Variants in CDKAL1 observed in about 807,000 individuals in gnomAD.
CDKAL1 encodes the protein CDKAL1 threonylcarbamoyladenosine tRNA methylthiotransferase, also known as threonylcarbamoyladenosine tRNA methylthiotransferase.
A neutral mutation model predicts 68.2 loss-of-function variants in CDKAL1; 32 were observed. The observed-to-expected ratio is 0.47, with a 90% CI of 0.35 to 0.63. The LOEUF (loss-of-function observed/expected upper bound fraction) is 0.63, where lower values mean the gene tolerates loss of function less well. Ranked by LOEUF, CDKAL1 falls within the 30% of genes least tolerant of loss-of-function variation. The pLI is 0.00. For missense variants in CDKAL1, 606 were observed against 696.7 expected (o/e 0.87, Z 1.47); for synonymous variants, 234 against 244.3 (o/e 0.96, Z 0.39).
At chr6:21,151,057 A>C (rs1211501204) in intron 13 of CDKAL1, among the ~76,000 whole-genome samples, 6 of 152,212 alleles carry the variant, frequency 3.9e-5, no homozygotes, top group Admixed American at 6.5e-5. Context: ...ACATTTCTAG[A>C]AAAGGAGAGA....
intron 10 of CDKAL1, among the ~76,000 whole-genome samples, chr6:20,966,853 T>C (rs927906578): frequency 2.0e-5 from 3 of 152,224 alleles, no homozygotes. Flanking sequence ...AAGTGGCTCC[T>C]ACATTTTCAG....
rs1554149924 is a variant in CDKAL1, at chr6:20,557,050, A to AATAAAT, written c.286+8346_286+8347insTAAATA. Among the ~76,000 whole-genome samples the AATAAAT allele has an allele frequency of 7.8e-3, 695 of 88,936 alleles. 7 individuals carry two copies. Among genetic ancestry groups the AATAAAT allele is most frequent in the Middle Eastern group, 0.039 (7 of 178 alleles). 58.3% of individuals were successfully genotyped at this position (88,936 alleles called of 152,430 possible). On this transcript the variant is annotated intron_variant, in intron 4 of 15. Coordinates refer to ENST00000274695, the MANE Select transcript of CDKAL1 (RefSeq NM_017774.3). ...GAACGAGTCTCCATCTCAAAAAAAA[A>AATAAAT]AAATAAATAAATAAATAAATAAATA...
intron 9 of CDKAL1, among the ~76,000 whole-genome samples, chr6:20,894,715 A>G (rs1473333535): frequency 1.3e-5 from 2 of 152,148 alleles, no homozygotes; most frequent in Non-Finnish European, 2.9e-5. Context: ...TACAAAAATA[A>G]CACATAAAAT....
intron 5 of CDKAL1, among the ~76,000 whole-genome samples, chr6:20,737,869 C>T (rs1773266755): frequency 6.6e-6 from 1 of 152,120 alleles, no homozygotes. Flanking sequence ...GTATTTTGTA[C>T]TCTGTCTATT....
At chr6:20,978,046 T>G (rs1765926826) in intron 10 of CDKAL1, among the ~76,000 whole-genome samples, 1 of 152,212 alleles carries the variant, frequency 6.6e-6, no homozygotes, top group African/African-American at 2.4e-5. Flanking sequence ...ACTACTCAAA[T>G]TTTGATATAG....
intron 5 of CDKAL1, among the ~76,000 whole-genome samples, chr6:20,732,916 G>A (rs1345626418): frequency 4.6e-5 from 7 of 152,020 alleles, no homozygotes; most frequent in Non-Finnish European, 1.0e-4. Flanking sequence ...GTCTGTATAC[G>A]TATCCTCATT....
chr6:20,795,143 G>C (rs9295483), intron 8 of CDKAL1, among the ~76,000 whole-genome samples: 1 of 152,072 alleles, frequency 6.6e-6, no homozygotes, highest in Non-Finnish European at 1.5e-5. Flanking sequence ...TTCTGGTTCT[G>C]CCATTTACCT....
chr6:21,151,877 T>G (rs1419836202), intron 13 of CDKAL1, among the ~76,000 whole-genome samples: 1 of 152,158 alleles, frequency 6.6e-6, no homozygotes, highest in Non-Finnish European at 1.5e-5. Flanking sequence ...GTTTTTTTTT[T>G]AACTTTCTAG....
intron 5 of CDKAL1, among the ~76,000 whole-genome samples, chr6:20,726,054 A>G (rs566116956): frequency 8.4e-4 from 128 of 152,222 alleles, no homozygotes; most frequent in African/African-American, 2.9e-3. Flanking sequence ...TGGCCCTGCA[A>G]AGCCATCTTT....
At chr6:21,038,653 CT>C (rs1769729757) in intron 11 of CDKAL1, among the ~76,000 whole-genome samples, 1 of 152,146 alleles carries the variant, frequency 6.6e-6, no homozygotes, top group Non-Finnish European at 1.5e-5. Flanking sequence ...AATTTGTAAA[CT>C]TTCTTAAAAT....
chr6:20,644,972 A>G lies in CDKAL1; in HGVS notation c.287-4321A>G, dbSNP rs541608601. ...TGACATATCTAGGCCATTATATGGT[A>G]TAGCCTATTGCTCCCAGGCTACACA... On this transcript the variant is annotated intron_variant, in intron 4 of 15. Coordinates refer to ENST00000274695, the MANE Select transcript of CDKAL1 (RefSeq NM_017774.3). Among the ~76,000 whole-genome samples, 7 of 152,334 alleles carry G rather than the reference A, an allele frequency of 4.6e-5. No homozygotes were observed. The East Asian group carries it at 1.4e-3, about 29-fold the overall frequency.
chr6:20,916,620 G>C (rs1399049269), intron 9 of CDKAL1, among the ~76,000 whole-genome samples: 1 of 152,194 alleles, frequency 6.6e-6, no homozygotes, highest in Non-Finnish European at 1.5e-5. Context: ...TCAGTTGCTT[G>C]CTCAAGGCAT....
chr6:20,988,077 A>C (rs963837054), intron 10 of CDKAL1, among the ~76,000 whole-genome samples: 2 of 151,706 alleles, frequency 1.3e-5, no homozygotes, highest in Non-Finnish European at 2.9e-5. Context: ...GAGTCACTGC[A>C]TCCAGCCAGA....
At chr6:20,853,391 CAAAAAAAAAACAAAA>C (rs1374924427) in intron 9 of CDKAL1, among the ~76,000 whole-genome samples, 2 of 55,460 alleles carry the variant, frequency 3.6e-5, no homozygotes, top group Non-Finnish European at 8.4e-5. Flanking sequence ...AAAAACAAAA[CAAAAAAAAAACAAAA>C]AAAAAAACCC....
At chr6:21,187,079 C>T (rs992248621) in intron 13 of CDKAL1, among the ~76,000 whole-genome samples, 2 of 152,006 alleles carry the variant, frequency 1.3e-5, no homozygotes, top group African/African-American at 2.4e-5. Flanking sequence ...TTTTGAAATC[C>T]GGTGTGTACT....
At chr6:21,079,968 C>CT (rs1222546109) in intron 12 of CDKAL1, among the ~76,000 whole-genome samples, 1 of 33,612 alleles carries the variant, frequency 3.0e-5, no homozygotes, top group Non-Finnish European at 7.2e-5. Flanking sequence ...AGCTTATCAA[C>CT]TTTGTCTCTG....
At chr6:20,587,628 G>T (rs1283369966) in intron 4 of CDKAL1, among the ~76,000 whole-genome samples, 1 of 152,074 alleles carries the variant, frequency 6.6e-6, no homozygotes, top group Non-Finnish European at 1.5e-5. Flanking sequence ...AGCTACTCTG[G>T]AGGCTGAGAT....
intron 10 of CDKAL1, among the ~76,000 whole-genome samples, chr6:20,959,744 A>T (rs1764962222): frequency 6.6e-6 from 1 of 152,016 alleles, no homozygotes; most frequent in Admixed American, 6.6e-5. Context: ...TTTCCTGTTG[A>T]TATTGCTAAT....
rs369830419 is a variant in CDKAL1, at chr6:20,979,789, T to G, written c.910-20438T>G. ...CATAGTATCTTTTTTTTTTTTTTTTTGGGACAGCATCTCACTTTGTCACCC... is the reference window on the plus strand; with the variant it reads ...CATAGTATCTTTTTTTTTTTTTTTTGGGGACAGCATCTCACTTTGTCACCC... On this transcript the variant is annotated intron_variant, in intron 10 of 15. Coordinates refer to ENST00000274695, the MANE Select transcript of CDKAL1 (RefSeq NM_017774.3). Among the ~76,000 whole-genome samples the G allele has an allele frequency of 1.4e-3, 153 of 109,480 alleles. 1 individual carries two copies. The highest frequency in any genetic ancestry group is 2.8e-3 in the South Asian group (10 of 3,604). 71.8% of individuals were successfully genotyped at this position (109,480 alleles called of 152,430 possible). A position where few individuals can be genotyped will look rare whatever the true frequency, so the allele number is the denominator to read the frequency against.
Sources: gnomAD v4.1 joint callset for allele counts (sites outside exome capture counted in the v4.1 genomes callset) on GRCh38, gnomAD v4.1.1 for gene constraint, MANE v1.5 for transcripts, NCBI Gene and HGNC (gene_info 2026-07-23, HGNC 2026-07-21) for gene names.